CNOT10: variants seen among roughly 807,000 people sequenced by gnomAD.
CNOT10 encodes CCR4-NOT transcription complex, subunit 10.
A neutral mutation model predicts 94.6 loss-of-function variants in CNOT10; 30 were observed. The observed-to-expected ratio is 0.32, with a 90% confidence interval of 0.24 to 0.43. CNOT10 has a LOEUF of 0.43. CNOT10 is among the 20% of genes least tolerant of loss of function. The pLI, the probability that CNOT10 is intolerant of heterozygous loss-of-function variation, is 1.00. For synonymous variants in CNOT10, 289 were observed against 301.6 expected (o/e 0.96, Z 0.43); for missense variants, 759 against 877.2 (o/e 0.87, Z 1.70).
chr3:32,700,166 G>A (rs995730196), intron 1 of CNOT10, among the ~76,000 whole-genome samples: 1 of 151,832 alleles, frequency 6.6e-6, no homozygotes, highest in African/African-American at 2.4e-5. Flanking sequence ...AGTAGAGATG[G>A]GGTTTTACCA....
At chr3:32,729,855 G>A (rs1310887209) in intron 10 of CNOT10, among the ~76,000 whole-genome samples, 5 of 125,628 alleles carry the variant, frequency 4.0e-5, no homozygotes, top group Non-Finnish European at 3.2e-5. Context: ...TGCAAGCTCC[G>A]CCTCCCGGGT....
At chr3:32,759,779 C>T (rs190218895) in intron 14 of CNOT10, among the ~76,000 whole-genome samples, 24 of 152,270 alleles carry the variant, frequency 1.6e-4, no homozygotes, top group African/African-American at 3.9e-4. Context: ...ACAAAAACTT[C>T]GGACTCTAGT....
At position 32,757,170 on chromosome 3, in the gene CNOT10, A is replaced by ATTTTT. The variant is rs1173513009; in HGVS notation, c.1596-2266_1596-2262dup. Among the ~76,000 whole-genome samples, 341 of 78,296 alleles carry ATTTTT rather than the reference A, an allele frequency of 4.4e-3. 62 individuals carry two copies. The highest frequency in any genetic ancestry group is 0.01 in the African/African-American group (189 of 18,024). 51.4% of individuals were successfully genotyped at this position (78,296 alleles called of 152,430 possible). Reference sequence around the variant, plus strand: ...TGTCATTCACATAGGCCCTGAACTAATTTTTTTTTTTTTTTTTTTTTTTTT... The same window carrying ATTTTT: ...TGTCATTCACATAGGCCCTGAACTAATTTTTTTTTTTTTTTTTTTTTTTTTTTTTT... On this transcript the variant is annotated intron_variant, in intron 13 of 18. Coordinates refer to ENST00000328834, the MANE Select transcript of CNOT10 (RefSeq NM_015442.3).
rs145326007 is a variant in CNOT10, at chr3:32,722,282, G to A, written c.862+2051G>A. Among the ~76,000 whole-genome samples the A allele has an allele frequency of 1.8e-3, 281 of 152,274 alleles. 1 individual carries two copies. Among genetic ancestry groups the A allele is most frequent in the African/African-American group, 6.5e-3 (272 of 41,556 alleles). ...ACCCTTTCAGTTCACAGGAGTGATG[G>A]AGGATGGAGAAAGGCACTTTTTCCT... On this transcript the variant is annotated intron_variant, in intron 8 of 18. Coordinates refer to ENST00000328834, the MANE Select transcript of CNOT10 (RefSeq NM_015442.3).
At chr3:32,745,752 G>A (rs1225977372) in intron 13 of CNOT10, among the ~76,000 whole-genome samples, 10 of 152,190 alleles carry the variant, frequency 6.6e-5, no homozygotes, top group Non-Finnish European at 7.4e-5. Context: ...TAATCCCGAC[G>A]CTTTGGGAGG....
intron 1 of CNOT10, among the ~76,000 whole-genome samples, chr3:32,688,028 A>G (rs1255436460): frequency 1.3e-5 from 2 of 152,198 alleles, no homozygotes; most frequent in Admixed American, 1.3e-4. Flanking sequence ...AAAAAGGGTC[A>G]TGAAAGGACT....
rs539337457 is a variant in CNOT10 at position 32,742,049 on chromosome 3, G to A, written c.1595+4559G>A. Reference sequence around the variant, plus strand: ...CGGCTCACTGCAACCTCCGCCTCCTGGGTTCAAGCAGTTCTCCTGCCTCAG... The same window carrying A: ...CGGCTCACTGCAACCTCCGCCTCCTAGGTTCAAGCAGTTCTCCTGCCTCAG... On this transcript the variant is annotated intron_variant, in intron 13 of 18. Coordinates refer to ENST00000328834, the MANE Select transcript of CNOT10 (RefSeq NM_015442.3). Among the ~76,000 whole-genome samples the A allele has an allele frequency of 6.7e-5, 10 of 149,206 alleles. No individual in the cohort carries two copies. The South Asian group carries it at 1.9e-3, about 29-fold the overall frequency.
chr3:32,690,282 T>C (rs935824968), intron 1 of CNOT10, among the ~76,000 whole-genome samples: 2 of 152,220 alleles, frequency 1.3e-5, no homozygotes, highest in Non-Finnish European at 2.9e-5. Context: ...TTTTTTAAGC[T>C]TCAGCTTTCC....
intron 1 of CNOT10, among the ~76,000 whole-genome samples, chr3:32,702,717 T>C (rs1220362629): frequency 6.6e-6 from 1 of 152,252 alleles, no homozygotes; most frequent in East Asian, 1.9e-4. Context: ...TGGGACTGTA[T>C]ATTGCTGGGT....
intron 2 of CNOT10, among the ~76,000 whole-genome samples, chr3:32,704,590 T>C (rs1263018359): frequency 6.6e-6 from 1 of 152,156 alleles, no homozygotes; most frequent in African/African-American, 2.4e-5. Flanking sequence ...ATGTGTCTTA[T>C]ATGTGTCAAT....
At chr3:32,767,387 C>G (rs1305566511) in intron 17 of CNOT10, among the ~76,000 whole-genome samples, 1 of 151,990 alleles carries the variant, frequency 6.6e-6, no homozygotes, top group African/African-American at 2.4e-5. Flanking sequence ...GGCGTGGTAG[C>G]ACATGCCTGT....
At chr3:32,696,637 C>T (rs1697082975) in intron 1 of CNOT10, among the ~76,000 whole-genome samples, 1 of 152,150 alleles carries the variant, frequency 6.6e-6, no homozygotes, top group African/African-American at 2.4e-5. Flanking sequence ...GTCTCACTGT[C>T]ACCCAAGCTG....
chr3:32,754,268 G>C (rs1377299959), intron 13 of CNOT10, among the ~76,000 whole-genome samples: 1 of 151,198 alleles, frequency 6.6e-6, no homozygotes. Context: ...ATGAGGTCAG[G>C]AGATCGAGGC....
chr3:32,743,517 C>T (rs1366956991), intron 13 of CNOT10, among the ~76,000 whole-genome samples: 1 of 151,896 alleles, frequency 6.6e-6, no homozygotes, highest in African/African-American at 2.4e-5. Context: ...ACCTGCAGTC[C>T]CAGCTACACG....
chr3:32,736,499 G>C (rs1559501405), intron 12 of CNOT10, among the ~76,000 whole-genome samples: 3 of 152,138 alleles, frequency 2.0e-5, no homozygotes. Context: ...TTTGGGCCAG[G>C]CATGGTGGCT....
chr3:32,719,658 C>T (rs917606782), intron 7 of CNOT10, among the ~76,000 whole-genome samples: 2 of 151,562 alleles, frequency 1.3e-5, no homozygotes, highest in African/African-American at 2.4e-5. Context: ...TAGAATGGCA[C>T]TTTTTTTTTC....
intron 14 of CNOT10, among the ~76,000 whole-genome samples, 154 bp from the exon 15 acceptor site, chr3:32,762,579 C>G (rs1396466950): frequency 3.3e-5 from 5 of 151,970 alleles, no homozygotes; most frequent in Admixed American, 1.3e-4. Flanking sequence ...GCAGTTGATT[C>G]GTTTTACCTA....
rs893298600 is a variant in CNOT10 at position 32,716,199 on chromosome 3, A to G, written c.574-26A>G. ...TTATGGTCAAAAATATTTAATTTTGATAAACTTTGTTTCATCACCCTACAG... is the reference window on the plus strand; with the variant it reads ...TTATGGTCAAAAATATTTAATTTTGGTAAACTTTGTTTCATCACCCTACAG... On this transcript the variant is annotated intron_variant, in intron 5 of 18. Coordinates refer to ENST00000328834, the MANE Select transcript of CNOT10 (RefSeq NM_015442.3). 4.0e-6 allele frequency: 5 copies of G among 1,260,478 alleles called. No individual in the cohort carries two copies. The African/African-American group carries it at 6.1e-5, about 15-fold the overall frequency. The allele number at this position is 1,260,478 out of a possible 1,614,324, so 78.1% of individuals were successfully genotyped here.
At chr3:32,717,389 G>A in intron 7 of CNOT10, 152 bp downstream of exon 7, 1 of 421,622 alleles carries the variant, frequency 2.4e-6, no homozygotes, top group Non-Finnish European at 4.2e-6. Context: ...TAATAATACT[G>A]TGTCTATAGT....
Sources: allele counts gnomAD v4.1 joint callset (sites outside exome capture counted in the v4.1 genomes callset), GRCh38; gene constraint gnomAD v4.1.1; transcripts MANE v1.5; gene names NCBI Gene and HGNC (gene_info 2026-07-23, HGNC 2026-07-21).